The following RBFOX1 variants were observed in gnomAD, a reference collection of about 807,000 sequenced individuals.
RBFOX1 encodes RNA binding protein fox-1 homolog 1.
A neutral mutation model predicts 57.7 loss-of-function variants in RBFOX1; 8 were observed. The observed-to-expected ratio is 0.14, with a 90% confidence interval of 0.08 to 0.25. RBFOX1 has a LOEUF of 0.25. Among genes scored for constraint, RBFOX1 ranks in the 10% least tolerant of loss-of-function variants. The pLI is 1.00. For missense variants in RBFOX1, 611 were observed against 548.5 expected (o/e 1.11, Z -1.14); for synonymous variants, 326 against 222.4 (o/e 1.47, Z -4.15).
chr16:5,639,583 C>T (rs2048795370), intron 3 of RBFOX1, among the ~76,000 whole-genome samples: 1 of 152,200 alleles, frequency 6.6e-6, no homozygotes, highest in South Asian at 2.1e-4. Context: ...CTCTCCATCA[C>T]TCTCTATCAT....
At chr16:6,108,436 G>A (rs1260518682) in intron 1 of RBFOX1, among the ~76,000 whole-genome samples, 1 of 152,146 alleles carries the variant, frequency 6.6e-6, no homozygotes, top group East Asian at 1.9e-4. Context: ...GTGTTTAATG[G>A]AGTGCCTGTC....
intron 1 of RBFOX1, among the ~76,000 whole-genome samples, chr16:5,402,624 G>A (rs1018713243): frequency 2.0e-5 from 3 of 152,108 alleles, no homozygotes; most frequent in African/African-American, 7.2e-5. Context: ...CATATGATTC[G>A]CAAGTAATTA....
intron 3 of RBFOX1, among the ~76,000 whole-genome samples, chr16:6,932,639 G>A (rs1567949201): frequency 6.6e-6 from 1 of 152,090 alleles, no homozygotes; most frequent in South Asian, 2.1e-4. Context: ...CTAGCCCCAG[G>A]CATCTTTCAT....
At chr16:6,206,047 C>T (rs533241506) in intron 1 of RBFOX1, among the ~76,000 whole-genome samples, 9 of 151,840 alleles carry the variant, frequency 5.9e-5, no homozygotes, top group Non-Finnish European at 1.3e-4. Flanking sequence ...CTTTAATGTG[C>T]AAACTGAAGA....
intron 4 of RBFOX1, among the ~76,000 whole-genome samples, chr16:7,276,012 T>G (rs1260754125): frequency 6.6e-6 from 1 of 152,168 alleles, no homozygotes; most frequent in Non-Finnish European, 1.5e-5. Context: ...CTGCCTAAAT[T>G]TCACTCAGAA....
At chr16:6,881,476 G>GT (rs1287831359) in intron 3 of RBFOX1, among the ~76,000 whole-genome samples, 1 of 152,146 alleles carries the variant, frequency 6.6e-6, no homozygotes, top group Non-Finnish European at 1.5e-5. Flanking sequence ...TCCGTGGCTT[G>GT]TAGAGGGTCA....
At chr16:6,901,708 A>G (rs1482396307) in intron 3 of RBFOX1, among the ~76,000 whole-genome samples, 1 of 152,224 alleles carries the variant, frequency 6.6e-6, no homozygotes, top group Non-Finnish European at 1.5e-5. Context: ...AATTTGTTAC[A>G]TGGAAGCTCA....
rs531953893 is a variant in RBFOX1 at position 6,164,608 on chromosome 16, A to G, written c.-127+144616A>G. 2.0e-5 allele frequency among the ~76,000 whole-genome samples: 3 copies of G among 151,982 alleles called. No homozygotes were observed. In the East Asian group the frequency reaches 5.8e-4, roughly 29 times the overall value. On this transcript the variant is annotated intron_variant, in intron 1 of 15. Transcript: ENST00000550418. ...CAGCCTCCCAAGTAGCTGGGACTAT[A>G]GGTGTGAACCACCACACCTGGTAAA... is the stretch of plus-strand genomic sequence containing the variant.
chr16:7,583,892 C>T (rs992700682), intron 6 of RBFOX1, among the ~76,000 whole-genome samples: 1 of 144,452 alleles, frequency 6.9e-6, no homozygotes, highest in Non-Finnish European at 1.6e-5. Flanking sequence ...CACTAAACCT[C>T]TCTTTATTGT....
intron 2 of RBFOX1, among the ~76,000 whole-genome samples, chr16:6,631,928 T>A (rs2098389967): frequency 6.6e-6 from 1 of 151,852 alleles, no homozygotes; most frequent in Admixed American, 6.6e-5. Flanking sequence ...GTAGGAGAGG[T>A]CAGTAGCGAA....
At chr16:7,189,505 C>T (rs926972317) in intron 4 of RBFOX1, among the ~76,000 whole-genome samples, 1 of 148,180 alleles carries the variant, frequency 6.7e-6, no homozygotes, top group Non-Finnish European at 1.5e-5. Context: ...CAGGTATTCT[C>T]TCCAGTTTAG....
intron 1 of RBFOX1, among the ~76,000 whole-genome samples, chr16:5,251,516 G>T (rs1480725664): frequency 1.3e-5 from 2 of 152,218 alleles, no homozygotes. Flanking sequence ...TGATTGAGTG[G>T]CAGGGTCAGA....
intron 3 of RBFOX1, among the ~76,000 whole-genome samples, chr16:6,725,401 C>T (rs1481711070): frequency 6.6e-6 from 1 of 152,072 alleles, no homozygotes; most frequent in African/African-American, 2.4e-5. Flanking sequence ...GTCTTTGTGA[C>T]CTGTACCTGG....
intron 2 of RBFOX1, among the ~76,000 whole-genome samples, chr16:5,488,470 G>C (rs1212626399): frequency 1.3e-5 from 2 of 151,336 alleles, no homozygotes; most frequent in Non-Finnish European, 2.9e-5. Flanking sequence ...ATGGTGTGGT[G>C]GGGTGTGATG....
intron 3 of RBFOX1, among the ~76,000 whole-genome samples, chr16:6,839,811 A>G (rs1341530885): frequency 6.6e-6 from 1 of 152,216 alleles, no homozygotes; most frequent in Non-Finnish European, 1.5e-5. Flanking sequence ...AAATCATAGC[A>G]CTTCGTGTAC....
At chr16:5,874,943 C>T (rs1417463705) in intron 4 of RBFOX1, among the ~76,000 whole-genome samples, 2 of 151,978 alleles carry the variant, frequency 1.3e-5, no homozygotes, top group African/African-American at 4.8e-5. Flanking sequence ...AAGACCCCGT[C>T]CCCCATAAAT....
chr16:7,012,011 A>G (rs1207859053), intron 3 of RBFOX1, among the ~76,000 whole-genome samples: 2 of 152,132 alleles, frequency 1.3e-5, no homozygotes, highest in Non-Finnish European at 2.9e-5. Context: ...AATGAGGTCT[A>G]GTCCAGTCAC....
intron 14 of RBFOX1, among the ~76,000 whole-genome samples, chr16:7,698,799 A>G (rs1243154818): frequency 6.6e-6 from 1 of 152,162 alleles, no homozygotes; most frequent in East Asian, 1.9e-4. Flanking sequence ...CTTAGGAAAC[A>G]TACTCCCACT....
chr16:5,867,342 A>G (rs2057366696), intron 4 of RBFOX1: 1 of 1,201,784 alleles, frequency 8.3e-7, no homozygotes, highest in Non-Finnish European at 1.0e-6. Context: ...TGAGGTAGGA[A>G]ACGTGGTTTT....
Sources: gnomAD v4.1 joint callset for allele counts (sites outside exome capture counted in the v4.1 genomes callset) on GRCh38, gnomAD v4.1.1 for gene constraint, MANE v1.5 for transcripts, NCBI Gene and HGNC (gene_info 2026-07-23, HGNC 2026-07-21) for gene names.